PITPNC1: variants seen among roughly 807,000 people sequenced by gnomAD.
The protein encoded by PITPNC1 is phosphatidylinositol transfer protein cytoplasmic 1, also known as cytoplasmic phosphatidylinositol transfer protein 1.
Under a neutral mutation model 44.7 loss-of-function variants are expected in PITPNC1, and 18 were observed. The ratio of observed to expected loss-of-function variants is 0.40; its 90% CI spans 0.28 to 0.60. PITPNC1 has a LOEUF of 0.60. Among genes scored for constraint, PITPNC1 ranks in the 20% least tolerant of loss-of-function variants. The probability of loss-of-function intolerance (pLI) is 0.39; values close to 1 mark genes in which losing one functional copy is unlikely to be tolerated. For synonymous variants in PITPNC1, 141 were observed against 149.6 expected (o/e 0.94, Z 0.42); for missense variants, 290 against 418.4 (o/e 0.69, Z 2.68).
intron 1 of PITPNC1, among the ~76,000 whole-genome samples, chr17:67,428,839 C>CTTTTTTTTTTTTTT (rs369624053): frequency 4.4e-5 from 5 of 113,186 alleles, no homozygotes; most frequent in Non-Finnish European, 8.7e-5. Context: ...ACTTGTCTTG[C>CTTTTTTTTTTTTTT]TTTTTTTTTT....
chr17:67,458,580 A>AT (rs1175668889), intron 1 of PITPNC1, among the ~76,000 whole-genome samples: 1 of 151,760 alleles, frequency 6.6e-6, no homozygotes, highest in Non-Finnish European at 1.5e-5. Flanking sequence ...TTAGTTTCTC[A>AT]TTTTTTGTCT....
intron 1 of PITPNC1, among the ~76,000 whole-genome samples, chr17:67,393,406 G>T (rs2038167888): frequency 6.6e-6 from 1 of 150,758 alleles, no homozygotes; most frequent in African/African-American, 2.5e-5. Flanking sequence ...TATCTGATCA[G>T]GTTTTTTTTT....
At chr17:67,456,580 A>G (rs1440907278) in intron 1 of PITPNC1, among the ~76,000 whole-genome samples, 1 of 151,894 alleles carries the variant, frequency 6.6e-6, no homozygotes, top group Non-Finnish European at 1.5e-5. Context: ...AAAAATATTC[A>G]ATGTGTATAC....
intron 1 of PITPNC1, among the ~76,000 whole-genome samples, chr17:67,502,954 G>A (rs1005249818): frequency 1.3e-5 from 2 of 151,766 alleles, no homozygotes; most frequent in African/African-American, 2.4e-5. Flanking sequence ...CCACCACTAC[G>A]CCCAGCTAAT....
chr17:67,584,827 C>T (rs546396180), intron 5 of PITPNC1, among the ~76,000 whole-genome samples: 2 of 152,250 alleles, frequency 1.3e-5, no homozygotes, highest in African/African-American at 4.8e-5. Flanking sequence ...ACAAACCAGC[C>T]CTCCAGGCCG....
At position 67,653,602 on chromosome 17, in the gene PITPNC1, C is replaced by G. The variant is rs145008065; in HGVS notation, c.463-15906C>G. 3.4e-3 allele frequency among the ~76,000 whole-genome samples: 512 copies of G among 152,306 alleles called. 3 individuals carry two copies. Among genetic ancestry groups the G allele is most frequent in the African/African-American group, 0.012 (493 of 41,566 alleles). ...GCAGGAAACGAATAGACTAGTGGAACCAACCCTCCACCCTAAATAGGTACG... is the reference window on the plus strand; with the variant it reads ...GCAGGAAACGAATAGACTAGTGGAAGCAACCCTCCACCCTAAATAGGTACG... On this transcript the variant is annotated intron_variant, in intron 6 of 8. Coordinates refer to ENST00000581322, the MANE Select transcript of PITPNC1 (RefSeq NM_012417.4).
chr17:67,383,544 T>C (rs1233559134), intron 1 of PITPNC1, among the ~76,000 whole-genome samples: 1 of 151,922 alleles, frequency 6.6e-6, no homozygotes, highest in African/African-American at 2.4e-5. Context: ...GTGGCCCACC[T>C]CCTCCCGCAG....
intron 1 of PITPNC1, among the ~76,000 whole-genome samples, chr17:67,432,799 T>C (rs2038875769): frequency 6.6e-6 from 1 of 152,288 alleles, no homozygotes; most frequent in East Asian, 1.9e-4. Context: ...GTGTGCTCTT[T>C]TGTGTAGATT....
chr17:67,639,880 C>A (rs1377869004), intron 6 of PITPNC1, among the ~76,000 whole-genome samples: 1 of 152,166 alleles, frequency 6.6e-6, no homozygotes, highest in African/African-American at 2.4e-5. Context: ...TAAATATTGT[C>A]ATATTTAGCT....
At chr17:67,576,574 G>A (rs919415428) in intron 4 of PITPNC1, among the ~76,000 whole-genome samples, 9 of 152,282 alleles carry the variant, frequency 5.9e-5, no homozygotes, top group East Asian at 1.9e-4. Context: ...CCCATTAGCC[G>A]TCAATCCCAT....
chr17:67,632,559 T>TATA (rs1027625534), intron 6 of PITPNC1: 6 of 269,714 alleles, frequency 2.2e-5, no homozygotes, highest in Non-Finnish European at 3.4e-5. Flanking sequence ...TCTCCCCAAT[T>TATA]ACATGCGCTC....
intron 8 of PITPNC1, among the ~76,000 whole-genome samples, chr17:67,679,243 C>A (rs1361238655): frequency 6.6e-6 from 1 of 152,200 alleles, no homozygotes; most frequent in South Asian, 2.1e-4. Flanking sequence ...ATAGAGCGAG[C>A]CTTTGTCTCT....
intron 1 of PITPNC1, among the ~76,000 whole-genome samples, chr17:67,511,984 C>G (rs2040189844): frequency 6.6e-6 from 1 of 152,186 alleles, no homozygotes; most frequent in Admixed American, 6.5e-5. Context: ...AAATTTCTGC[C>G]TGGTCTCCTG....
intron 1 of PITPNC1, among the ~76,000 whole-genome samples, chr17:67,383,905 C>T (rs1249464398): frequency 2.6e-5 from 4 of 151,998 alleles, no homozygotes; most frequent in Non-Finnish European, 4.4e-5. Context: ...GGCGTGGTGG[C>T]GCATGCCTGT....
chr17:67,634,656 T>C (rs531213122), intron 6 of PITPNC1, among the ~76,000 whole-genome samples: 1 of 152,080 alleles, frequency 6.6e-6, no homozygotes, highest in South Asian at 2.1e-4. Context: ...CACAGATACA[T>C]ATGGAGTTCA....
intron 1 of PITPNC1, among the ~76,000 whole-genome samples, chr17:67,509,933 A>C (rs1007109180): frequency 6.6e-6 from 1 of 152,192 alleles, no homozygotes; most frequent in East Asian, 1.9e-4. Context: ...CTGAAAAGAA[A>C]CGTCTAGAAC....
At chr17:67,469,918 A>G (rs2039491271) in intron 1 of PITPNC1, among the ~76,000 whole-genome samples, 1 of 152,022 alleles carries the variant, frequency 6.6e-6, no homozygotes, top group African/African-American at 2.4e-5. Context: ...GTGTGTGTAT[A>G]TGTATATATA....
intron 1 of PITPNC1, among the ~76,000 whole-genome samples, chr17:67,521,866 T>A (rs1373930213): frequency 6.6e-6 from 1 of 152,196 alleles, no homozygotes; most frequent in Admixed American, 6.5e-5. Context: ...TGTGTTCTCA[T>A]TGAGACCGGA....
intron 4 of PITPNC1, among the ~76,000 whole-genome samples, chr17:67,562,393 C>T (rs1050377083): frequency 2.0e-5 from 3 of 152,138 alleles, no homozygotes; most frequent in Non-Finnish European, 2.9e-5. Context: ...CACCCTCCTC[C>T]ACATCTCTTT....
Sources: gnomAD v4.1 joint callset for allele counts (sites outside exome capture counted in the v4.1 genomes callset) on GRCh38, gnomAD v4.1.1 for gene constraint, MANE v1.5 for transcripts, NCBI Gene and HGNC (gene_info 2026-07-23, HGNC 2026-07-21) for gene names.